FAAH2: variants seen among roughly 807,000 people sequenced by gnomAD.
FAAH2 encodes the protein fatty acid amide hydrolase 2, also known as fatty-acid amide hydrolase 2.
Under a neutral mutation model 36.9 loss-of-function variants are expected in FAAH2, and 60 were observed. The ratio of observed to expected loss-of-function variants is 1.63; its 90% CI spans 1.32 to 2.02. FAAH2 has a LOEUF of 2.02. Ranked by LOEUF, FAAH2 falls within the 30% of genes most tolerant of loss-of-function variation. FAAH2 has a pLI of 0.00. For synonymous variants in FAAH2, 214 were observed against 143.8 expected (o/e 1.49, Z -3.49); for missense variants, 689 against 397.5 (o/e 1.73, Z -6.23).
At chrX:57,324,304 G>A (rs1165731383) in intron 3 of FAAH2, among the ~76,000 whole-genome samples, 1 of 111,943 alleles carries the variant, frequency 8.9e-6, no homozygotes, top group Non-Finnish European at 1.9e-5. Flanking sequence ...TTTGACTTAG[G>A]ATTGATTTGG....
intron 4 of FAAH2, among the ~76,000 whole-genome samples, chrX:57,338,186 G>A (rs185072210): frequency 2.7e-5 from 3 of 111,375 alleles, no homozygotes; most frequent in African/African-American, 9.8e-5. Flanking sequence ...ATAGGTGTGG[G>A]GCCATTTTAT....
At chrX:57,454,781 A>C (rs1408131749) in intron 10 of FAAH2, among the ~76,000 whole-genome samples, 1 of 111,851 alleles carries the variant, frequency 8.9e-6, no homozygotes, top group East Asian at 2.8e-4. Flanking sequence ...AAAATGAAAA[A>C]ATCCTTTGAG....
chrX:57,323,561 G>T (rs974089306), intron 3 of FAAH2, among the ~76,000 whole-genome samples: 3 of 111,295 alleles, frequency 2.7e-5, no homozygotes, highest in Non-Finnish European at 3.8e-5. Context: ...TTGTGGTTTT[G>T]ATTTGCATTT....
rs539892082 is a variant in FAAH2 at position 57,427,903 on chromosome X, G to A, written c.997-4015G>A. Among the ~76,000 whole-genome samples the A allele has an allele frequency of 2.8e-4, 31 of 111,495 alleles. No homozygotes were observed. In the South Asian group the frequency reaches 0.012, roughly 42 times the overall value. ...AACGTAATACTGGCAATTGTAGCCA[G>A]GGCAGTCAGGCAAGAGAAAGAAATA... On this transcript the variant is annotated intron_variant, in intron 7 of 10. Coordinates refer to ENST00000374900, the MANE Select transcript of FAAH2 (RefSeq NM_174912.4).
chrX:57,228,386 T>G, the FAAH2 span, among the ~76,000 whole-genome samples: 1 of 111,194 alleles, frequency 9.0e-6, no homozygotes, highest in Non-Finnish European at 1.9e-5. Context: ...CCAGGTAAAG[T>G]TGGGAACTTC....
At chrX:57,248,346 T>C in the FAAH2 span, among the ~76,000 whole-genome samples, 1 of 112,001 alleles carries the variant, frequency 8.9e-6, no homozygotes, top group African/African-American at 3.3e-5. Context: ...AGGGAACACC[T>C]GCTAGGAGTA....
the FAAH2 span, among the ~76,000 whole-genome samples, chrX:57,260,583 GCT>G: frequency 8.0e-3 from 890 of 111,668 alleles, 8 homozygotes; most frequent in African/African-American, 0.028. Context: ...TAAATGATTT[GCT>G]CTTGAAAACA....
the FAAH2 span, among the ~76,000 whole-genome samples, chrX:57,252,619 G>A: frequency 8.3e-3 from 929 of 111,975 alleles, 9 homozygotes; most frequent in African/African-American, 0.029. Flanking sequence ...TGATACCCAG[G>A]CAAACAGGGT....
chrX:57,345,953 G>T (rs1361227482), intron 5 of FAAH2, among the ~76,000 whole-genome samples: 1 of 110,815 alleles, frequency 9.0e-6, no homozygotes, highest in African/African-American at 3.3e-5. Context: ...TATTTATATT[G>T]GTTTCTATAC....
At chrX:57,358,751 T>C (rs1214292028) in intron 5 of FAAH2, among the ~76,000 whole-genome samples, 1 of 111,626 alleles carries the variant, frequency 9.0e-6, no homozygotes, top group Non-Finnish European at 1.9e-5. Context: ...GTGAGATTGC[T>C]GGATCATGTG....
At chrX:57,311,885 G>T (rs544695053) in intron 3 of FAAH2, among the ~76,000 whole-genome samples, 2 of 112,149 alleles carry the variant, frequency 1.8e-5, no homozygotes, top group Admixed American at 9.4e-5. Flanking sequence ...GGGCTACAGC[G>T]TGCTACTTGA....
At chrX:57,230,442 C>G in the FAAH2 span, among the ~76,000 whole-genome samples, 1 of 112,008 alleles carries the variant, frequency 8.9e-6, no homozygotes, top group African/African-American at 3.2e-5. Context: ...CCCAGGAATT[C>G]TGGGAAAGTC....
At chrX:57,366,308 G>T (rs920484139) in intron 5 of FAAH2, among the ~76,000 whole-genome samples, 1 of 111,887 alleles carries the variant, frequency 8.9e-6, no homozygotes, top group Non-Finnish European at 1.9e-5. Context: ...GCTTTCAGGG[G>T]CTAAGACTCA....
At chrX:57,355,741 C>T (rs776146485) in intron 5 of FAAH2, among the ~76,000 whole-genome samples, 16 of 110,732 alleles carry the variant, frequency 1.4e-4, no homozygotes, top group Non-Finnish European at 2.3e-4. Context: ...GCAGAAATAA[C>T]TTCATGTGTT....
chrX:57,384,682 C>T (rs1252523107), intron 7 of FAAH2, among the ~76,000 whole-genome samples: 4 of 110,910 alleles, frequency 3.6e-5, no homozygotes, highest in African/African-American at 1.3e-4. Context: ...ACAACAGGTG[C>T]TGGAGAGGAT....
At chrX:57,164,950 A>C in the FAAH2 span, among the ~76,000 whole-genome samples, 1 of 112,559 alleles carries the variant, frequency 8.9e-6, no homozygotes, top group Non-Finnish European at 1.9e-5. Context: ...TCATAAGCAT[A>C]ATAGCCATAC....
chrX:57,388,052 A>C (rs2055070023), intron 7 of FAAH2, among the ~76,000 whole-genome samples: 1 of 111,492 alleles, frequency 9.0e-6, no homozygotes, highest in Non-Finnish European at 1.9e-5. Flanking sequence ...ATGGAAGTTG[A>C]GAAAATGATG....
chrX:57,453,905 AG>A (rs2056826185), intron 10 of FAAH2, among the ~76,000 whole-genome samples: 1 of 112,039 alleles, frequency 8.9e-6, no homozygotes, highest in Admixed American at 9.4e-5. Context: ...CTTGTTCCAC[AG>A]GGCCAGCCTG....
intron 6 of FAAH2, among the ~76,000 whole-genome samples, chrX:57,380,596 A>G (rs925554358): frequency 9.0e-6 from 1 of 111,394 alleles, no homozygotes; most frequent in Non-Finnish European, 1.9e-5. Flanking sequence ...GATTTCTTAC[A>G]TCTTTACATA....
Sources: allele counts gnomAD v4.1 joint callset (sites outside exome capture counted in the v4.1 genomes callset), GRCh38; gene constraint gnomAD v4.1.1; transcripts MANE v1.5; gene names NCBI Gene and HGNC (gene_info 2026-07-23, HGNC 2026-07-21).